CBLN2: variants seen among roughly 807,000 people sequenced by gnomAD.
CBLN2 encodes the protein cerebellin-2.
Under a neutral mutation model 15.0 loss-of-function variants are expected in CBLN2, and 7 were observed. The ratio of observed to expected loss-of-function variants is 0.47; its 90% CI spans 0.27 to 0.88. The LOEUF (loss-of-function observed/expected upper bound fraction) is 0.88, where lower values mean the gene tolerates loss of function less well. Ranked by LOEUF, CBLN2 falls within the 40% of genes least tolerant of loss-of-function variation. The pLI is 0.14. For synonymous variants in CBLN2, 149 were observed against 135.2 expected (o/e 1.10, Z -0.71); for missense variants, 242 against 304.5 (o/e 0.79, Z 1.53).
At chr18:72,618,561 T>G in intron 1 of CBLN2, 1 of 756,156 alleles carries the variant, frequency 1.3e-6, no homozygotes, top group Non-Finnish European at 2.3e-6. Flanking sequence ...AAAGACCAGG[T>G]GTCCACTTAA....
chr18:72,602,848 A>C (rs1462733671), intron 1 of CBLN2, among the ~76,000 whole-genome samples: 2 of 152,172 alleles, frequency 1.3e-5, no homozygotes, highest in Non-Finnish European at 2.9e-5. Flanking sequence ...CCAGCTTCCT[A>C]ATCAAGGAAC....
chr18:72,549,677 T>G (rs1237344498), intron 1 of CBLN2, among the ~76,000 whole-genome samples: 1 of 152,226 alleles, frequency 6.6e-6, no homozygotes, highest in Non-Finnish European at 1.5e-5. Context: ...TGTTATACTT[T>G]TTTTCACCTG....
At chr18:72,571,688 C>T (rs2069333184) in intron 1 of CBLN2, among the ~76,000 whole-genome samples, 2 of 152,190 alleles carry the variant, frequency 1.3e-5, no homozygotes, top group African/African-American at 2.4e-5. Flanking sequence ...CAAACTAAAC[C>T]TATTCAGTTA....
Position 72,568,482 on chromosome 18 carries a change from G to C in CBLN2, c.16-29710C>G, listed in dbSNP as rs2069310801. On this transcript the variant is annotated intron_variant, in intron 1 of 2. Coordinates refer to the CBLN2 transcript ENST00000581073. ...TGTGATGGAGTCAGCCAGCAAAAAT[G>C]ATTACTTATTAGATTTTCATGAATT... 2.6e-5 allele frequency among the ~76,000 whole-genome samples: 4 copies of C among 151,712 alleles called. No individual in the cohort carries two copies. The South Asian group carries it at 8.3e-4, about 32-fold the overall frequency.
In CBLN2 at chr18:72,542,219, G is replaced by T; in HGVS notation, c.-59C>A. 9.0e-7 allele frequency: 1 copy of T among 1,106,578 alleles called. No homozygotes were observed. The highest frequency in any genetic ancestry group is 1.1e-6 in the Non-Finnish European group (1 of 893,102). The allele number at this position is 1,106,578 out of a possible 1,614,324, so 68.5% of individuals were successfully genotyped here. ...GGCCGGCGCCGGCGCGAGCGGCGCG[G>T]AAGGGCGCGAAGGAACGCGCGGAGC... On this transcript the variant is annotated 5_prime_UTR_variant, in exon 3 of 5. Transcript: ENST00000269503.
At chr18:72,619,550 G>A (rs969386249) in intron 1 of CBLN2, among the ~76,000 whole-genome samples, 6 of 152,010 alleles carry the variant, frequency 3.9e-5, no homozygotes, top group East Asian at 1.9e-4. Context: ...CTGAATAAAC[G>A]CGTCTTAAAA....
chr18:72,623,852 T>G (rs1226602875), intron 1 of CBLN2, among the ~76,000 whole-genome samples: 2 of 152,172 alleles, frequency 1.3e-5, no homozygotes, highest in Non-Finnish European at 2.9e-5. Flanking sequence ...TTCACCGGAC[T>G]GATCGCTCTC....
intron 1 of CBLN2, among the ~76,000 whole-genome samples, chr18:72,592,539 G>T (rs4892017): frequency 0.34 from 52,293 of 151,882 alleles, 10,855 homozygotes; most frequent in African/African-American, 0.57. Flanking sequence ...GCCTGTGCTT[G>T]TGGGGTATTA....
intron 1 of CBLN2, chr18:72,625,291 C>CTCTGA (rs1168784480): frequency 2.0e-5 from 3 of 151,960 alleles, no homozygotes; most frequent in African/African-American, 7.2e-5. Context: ...ATGTCTTTGT[C>CTCTGA]CAGTTAACTC....
intron 1 of CBLN2, among the ~76,000 whole-genome samples, chr18:72,586,523 G>A (rs1029705197): frequency 6.6e-6 from 1 of 152,172 alleles, no homozygotes; most frequent in Admixed American, 6.5e-5. Flanking sequence ...TTTTCTCAAA[G>A]AATCACTGAA....
intron 1 of CBLN2, among the ~76,000 whole-genome samples, chr18:72,570,171 G>A (rs372974831): frequency 5.3e-5 from 8 of 151,946 alleles, no homozygotes; most frequent in African/African-American, 7.3e-5. Context: ...CAAACTGATC[G>A]ATACTTAACC....
intron 1 of CBLN2, among the ~76,000 whole-genome samples, chr18:72,633,798 C>T (rs1421190495): frequency 6.6e-6 from 1 of 152,082 alleles, no homozygotes; most frequent in Non-Finnish European, 1.5e-5. Context: ...CATCTGACCT[C>T]TTCTTTACTT....
intron 1 of CBLN2, among the ~76,000 whole-genome samples, chr18:72,615,159 ATATATATAAATATATATTTATATAT>A (rs1269600845): frequency 0.012 from 1,699 of 136,614 alleles, 16 homozygotes; most frequent in Non-Finnish European, 0.014. Flanking sequence ...AATATAGAAA[ATATATATAAATATATATTTATATAT>A]TATATATAAA....
chr18:72,537,524 C>T lies in CBLN2; in HGVS notation c.*652G>A, dbSNP rs1372048192. ...GCTGAGTGTGGAAAGAAAAGTAAAG[C>T]TTTTCAAGAAAAAACACAAACAATA... On this transcript the variant is annotated 3_prime_UTR_variant, in exon 5 of 5. Transcript: ENST00000269503. 6.6e-6 allele frequency: 1 copy of T among 152,516 alleles called. No homozygotes were observed. Among genetic ancestry groups the T allele is most frequent in the South Asian group, 2.1e-4 (1 of 4,808 alleles). 9.4% of individuals were successfully genotyped at this position (152,516 alleles called of 1,614,324 possible). A position where few individuals can be genotyped will look rare whatever the true frequency, so the allele number is the denominator to read the frequency against.
chr18:72,608,337 C>G (rs1345790446), intron 1 of CBLN2, among the ~76,000 whole-genome samples: 2 of 152,100 alleles, frequency 1.3e-5, no homozygotes, highest in Non-Finnish European at 2.9e-5. Flanking sequence ...TTCATACTTT[C>G]CCTCCCCGCT....
At chr18:72,631,723 A>G (rs1424941770) in intron 1 of CBLN2, among the ~76,000 whole-genome samples, 1 of 152,152 alleles carries the variant, frequency 6.6e-6, no homozygotes, top group African/African-American at 2.4e-5. Flanking sequence ...CTCCTGCCTT[A>G]CACCAAATTT....
intron 1 of CBLN2, chr18:72,620,591 C>T (rs572794722): frequency 8.5e-5 from 13 of 152,276 alleles, no homozygotes; most frequent in African/African-American, 3.1e-4. Context: ...GCAGAGTGGG[C>T]TGTTGGTAGT....
chr18:72,627,320 GTTTC>G (rs1316416919), intron 1 of CBLN2, among the ~76,000 whole-genome samples: 1 of 152,168 alleles, frequency 6.6e-6, no homozygotes. Flanking sequence ...TATTCGAGGA[GTTTC>G]TTTAAAAAGG....
intron 1 of CBLN2, among the ~76,000 whole-genome samples, chr18:72,561,685 C>T (rs2069262629): frequency 6.6e-6 from 1 of 152,292 alleles, no homozygotes; most frequent in South Asian, 2.1e-4. Context: ...CTTCTCAGCA[C>T]TTTATGACAG....
Sources: gnomAD v4.1 joint callset for allele counts (sites outside exome capture counted in the v4.1 genomes callset) on GRCh38, gnomAD v4.1.1 for gene constraint, MANE v1.5 for transcripts, NCBI Gene and HGNC (gene_info 2026-07-23, HGNC 2026-07-21) for gene names.